The following GTF2IRD1 variants were observed in gnomAD, a reference collection of about 807,000 sequenced individuals.
GTF2IRD1 encodes the protein general transcription factor II-I repeat domain-containing protein 1.
GTF2IRD1 carries 26 observed loss-of-function variants against 113.2 expected under a neutral mutation model. That is an observed-to-expected ratio of 0.23 (90% CI 0.17 to 0.32). The LOEUF is 0.32. GTF2IRD1 is among the 10% of genes least tolerant of loss of function. The probability of loss-of-function intolerance (pLI) is 1.00; values close to 1 mark genes in which losing one functional copy is unlikely to be tolerated. For missense variants in GTF2IRD1, 864 were observed against 1,280.8 expected, an observed-to-expected ratio of 0.67 and a Z score of 4.97; for synonymous variants, 484 against 529.1, an observed-to-expected ratio of 0.91 and a Z score of 1.17.
chr7:74,553,964 C>A (rs186725928), intron 17 of GTF2IRD1, among the ~76,000 whole-genome samples: 180 of 152,292 alleles, frequency 1.2e-3, no homozygotes, highest in Non-Finnish European at 2.3e-3. Flanking sequence ...GACCCCAGCT[C>A]TGTGCCTGGC....
chr7:74,558,672 T>TA (rs373073393), intron 20 of GTF2IRD1, among the ~76,000 whole-genome samples, 189 bp from the exon 21 acceptor site: 2 of 152,120 alleles, frequency 1.3e-5, no homozygotes, highest in Non-Finnish European at 2.9e-5. Flanking sequence ...GCCTTTTTTT[T>TA]ATGTTCTGAT....
intron 22 of GTF2IRD1, 124 bp downstream of exon 22, chr7:74,559,779 C>CT: frequency 1.4e-6 from 1 of 735,872 alleles, no homozygotes; most frequent in East Asian, 3.4e-5. Flanking sequence ...AGGCCCCTGC[C>CT]TTTCTTTTTT....
intron 12 of GTF2IRD1, 32 bp downstream of exon 12, chr7:74,538,205 G>T: frequency 1.9e-6 from 3 of 1,610,206 alleles, no homozygotes; most frequent in Non-Finnish European, 2.5e-6. Context: ...TGTGTGTGTG[G>T]TGGGCCGGGA....
intron 1 of GTF2IRD1, among the ~76,000 whole-genome samples, chr7:74,500,438 A>G (rs572099632): frequency 6.6e-6 from 1 of 151,302 alleles, no homozygotes; most frequent in East Asian, 1.9e-4. Flanking sequence ...AAAAAAAAAA[A>G]GAAAAAAAAT....
At chr7:74,563,623 C>A (rs782183931) in intron 22 of GTF2IRD1, among the ~76,000 whole-genome samples, 65 of 151,408 alleles carry the variant, frequency 4.3e-4, no homozygotes, top group Admixed American at 1.6e-3. Context: ...CAGTGGTTCA[C>A]CCCTGTAATC....
At chr7:74,481,880 G>A (rs752333742) in intron 1 of GTF2IRD1, among the ~76,000 whole-genome samples, 6 of 152,258 alleles carry the variant, frequency 3.9e-5, no homozygotes, top group Admixed American at 1.3e-4. Context: ...ACGTCACAGC[G>A]TCACCAAATC....
chr7:74,587,412 C>G (rs1554368146), intron 22 of GTF2IRD1, among the ~76,000 whole-genome samples: 1 of 151,680 alleles, frequency 6.6e-6, no homozygotes, highest in Non-Finnish European at 1.5e-5. Context: ...CCACTGCACT[C>G]CAGCCTGGGC....
At chr7:74,572,565 A>T in intron 22 of GTF2IRD1, 1 of 983,522 alleles carries the variant, frequency 1.0e-6, no homozygotes, top group Non-Finnish European at 1.2e-6. Context: ...CAGAACAAGG[A>T]CATCCTCCAT....
chr7:74,517,433 T>TTA (rs1797010810), intron 4 of GTF2IRD1, among the ~76,000 whole-genome samples: 1 of 137,064 alleles, frequency 7.3e-6, no homozygotes, highest in East Asian at 2.1e-4. Context: ...ACACCTTTTT[T>TTA]TTTTTTTTTT....
intron 1 of GTF2IRD1, among the ~76,000 whole-genome samples, chr7:74,478,765 A>G (rs2117085972): frequency 6.7e-6 from 1 of 149,868 alleles, no homozygotes; most frequent in Non-Finnish European, 1.5e-5. Context: ...TTTTTTTTTG[A>G]GATAGGGTCT....
At chr7:74,462,499 A>G (rs1793436092) in intron 1 of GTF2IRD1, among the ~76,000 whole-genome samples, 1 of 152,184 alleles carries the variant, frequency 6.6e-6, no homozygotes, top group Non-Finnish European at 1.5e-5. Context: ...TGCTGGGTAC[A>G]CGGGTAGCTG....
intron 22 of GTF2IRD1, among the ~76,000 whole-genome samples, chr7:74,584,213 C>A (rs1801591095): frequency 6.6e-6 from 1 of 151,924 alleles, no homozygotes; most frequent in Middle Eastern, 3.2e-3. Flanking sequence ...GGAGGCCAAG[C>A]CAGGTGGATC....
In GTF2IRD1 at chr7:74,466,522, G is replaced by A. The variant is rs570910755; in HGVS notation, c.-7+12346G>A. Among the ~76,000 whole-genome samples, 32 of 152,194 alleles carry A rather than the reference G, an allele frequency of 2.1e-4. 1 individual carries two copies. In the South Asian group the frequency reaches 4.4e-3, roughly 21 times the overall value. Reference sequence around the variant, plus strand: ...CGATGAGCCTCATCGTTTCTAAAACGTACTGTGCTCCGTCTCGCTTCCTGG... The same window carrying A: ...CGATGAGCCTCATCGTTTCTAAAACATACTGTGCTCCGTCTCGCTTCCTGG... On this transcript the variant is annotated intron_variant, in intron 1 of 26. Coordinates refer to ENST00000424337, the MANE Select transcript of GTF2IRD1 (RefSeq NM_005685.4).
intron 24 of GTF2IRD1, among the ~76,000 whole-genome samples, chr7:74,591,835 G>C (rs1208546916): frequency 6.6e-6 from 1 of 151,688 alleles, no homozygotes; most frequent in Non-Finnish European, 1.5e-5. Flanking sequence ...GCCCAGGCTG[G>C]TCTTGAACTC....
Position 74,519,428 on chromosome 7 carries a change from C to A in GTF2IRD1, c.625C>A (p.Arg209=), listed in dbSNP as rs148084588. 5.9e-6 allele frequency: 9 copies of A among 1,531,862 alleles called. No homozygotes were observed. The highest frequency in any genetic ancestry group is 7.9e-6 in the Non-Finnish European group (9 of 1,139,472). 94.9% of individuals were successfully genotyped at this position (1,531,862 alleles called of 1,614,324 possible). ...ACTCAGGCCACTTGAGGATGGCGGG[C>A]GGGACTCGAAGGCCCTGGTGGAGCT... ...KLKRPLEDGG[R]DSKALVELNG... The change falls in exon 6 of 27, where the codon CGG becomes AGG. Residue 209 remains arginine (R), a synonymous_variant. Coordinates refer to ENST00000424337, the MANE Select transcript of GTF2IRD1 (RefSeq NM_005685.4).
At chr7:74,588,429 G>C (rs1801859628) in intron 22 of GTF2IRD1, among the ~76,000 whole-genome samples, 1 of 152,082 alleles carries the variant, frequency 6.6e-6, no homozygotes, top group African/African-American at 2.4e-5. Flanking sequence ...TTTCACGCTT[G>C]AGTGCCTATG....
At chr7:74,458,320 G>A (rs1431479739) in intron 1 of GTF2IRD1, among the ~76,000 whole-genome samples, 3 of 152,108 alleles carry the variant, frequency 2.0e-5, no homozygotes, top group Admixed American at 6.6e-5. Flanking sequence ...AAGGAGATGC[G>A]TGAACCTGGC....
chr7:74,538,409 G>A (rs782273754), intron 12 of GTF2IRD1, among the ~76,000 whole-genome samples: 1 of 152,154 alleles, frequency 6.6e-6, no homozygotes, highest in Admixed American at 6.5e-5. Context: ...GCCTCCTGTC[G>A]ATGCCCAGAC....
At chr7:74,568,010 C>T (rs1800430905) in intron 22 of GTF2IRD1, among the ~76,000 whole-genome samples, 1 of 151,984 alleles carries the variant, frequency 6.6e-6, no homozygotes, top group South Asian at 2.1e-4. Context: ...CGGTGTCAAA[C>T]TCCTGACCTC....
Sources: gnomAD v4.1 joint callset for allele counts (sites outside exome capture counted in the v4.1 genomes callset) on GRCh38, gnomAD v4.1.1 for gene constraint, MANE v1.5 for transcripts, NCBI Gene and HGNC (gene_info 2026-07-23, HGNC 2026-07-21) for gene names.